The following PDE1C variants were observed in gnomAD, a reference collection of about 807,000 sequenced individuals.
PDE1C encodes the protein dual specificity calcium/calmodulin-dependent 3',5'-cyclic nucleotide phosphodiesterase 1C.
In PDE1C, 62 loss-of-function variants were observed where a neutral mutation model predicts 93.1. The ratio of observed to expected loss-of-function variants is 0.67; its 90% CI spans 0.54 to 0.82. PDE1C has a LOEUF of 0.82. Ranked by LOEUF, PDE1C falls within the 40% of genes least tolerant of loss-of-function variation. PDE1C has a pLI of 0.00. For missense variants in PDE1C, 742 were observed against 884.6 expected (o/e 0.84, Z 2.04); for synonymous variants, 325 against 310.1 (o/e 1.05, Z -0.50).
At chr7:31,972,981 C>A (rs7790003) in intron 2 of PDE1C, among the ~76,000 whole-genome samples, 89,158 of 151,934 alleles carry the variant, frequency 0.59, 26,265 homozygotes, top group Middle Eastern at 0.68. Context: ...CCCATCAGCA[C>A]TGGGCAGCCC....
chr7:32,294,516 A>G (rs1327293367), intron 1 of PDE1C, among the ~76,000 whole-genome samples: 4 of 152,146 alleles, frequency 2.6e-5, no homozygotes, highest in African/African-American at 9.7e-5. Context: ...TCATCTGTAA[A>G]ATGAACAGGG....
At chr7:32,040,728 G>A (rs115180780) in intron 2 of PDE1C, among the ~76,000 whole-genome samples, 1,920 of 152,100 alleles carry the variant, frequency 0.013, 53 homozygotes, top group African/African-American at 0.043. Flanking sequence ...ATGCCTTCCC[G>A]TAGAAAGATA....
At chr7:31,876,525 G>C (rs1220142021) in intron 5 of PDE1C, among the ~76,000 whole-genome samples, 1 of 152,138 alleles carries the variant, frequency 6.6e-6, no homozygotes, top group Non-Finnish European at 1.5e-5. Context: ...CTTGGTACCA[G>C]TATACCCTCT....
chr7:32,273,639 G>A (rs888071421), intron 1 of PDE1C, among the ~76,000 whole-genome samples: 16 of 152,206 alleles, frequency 1.1e-4, no homozygotes, highest in African/African-American at 3.6e-4. Context: ...CAGAAGAGGA[G>A]GTCCATGAGA....
At chr7:32,335,917 A>G (rs1783610879) in intron 1 of PDE1C, among the ~76,000 whole-genome samples, 1 of 152,068 alleles carries the variant, frequency 6.6e-6, no homozygotes, top group Admixed American at 6.6e-5. Context: ...TTTTGTAGAA[A>G]CAGGGTCTCA....
At chr7:31,947,696 T>G (rs1220480042) in intron 2 of PDE1C, among the ~76,000 whole-genome samples, 3 of 152,174 alleles carry the variant, frequency 2.0e-5, no homozygotes, top group Non-Finnish European at 4.4e-5. Flanking sequence ...CAAAGAAGCT[T>G]TTACAAAGTT....
At chr7:31,622,836 A>T in the PDE1C span, among the ~76,000 whole-genome samples, 1 of 152,164 alleles carries the variant, frequency 6.6e-6, no homozygotes, top group Non-Finnish European at 1.5e-5. Context: ...TTTTGAAATG[A>T]TCAACAAAAT....
At chr7:31,633,969 G>A in the PDE1C span, among the ~76,000 whole-genome samples, 1 of 152,066 alleles carries the variant, frequency 6.6e-6, no homozygotes, top group African/African-American at 2.4e-5. Context: ...TTTCCACCTA[G>A]AATTCAGAAG....
chr7:32,227,332 C>G (rs375452450), intron 1 of PDE1C, among the ~76,000 whole-genome samples: 1 of 152,164 alleles, frequency 6.6e-6, no homozygotes, highest in African/African-American at 2.4e-5. Flanking sequence ...ATACCACCCA[C>G]GACATGATGT....
At chr7:32,110,914 T>C (rs1488112192) in intron 3 of PDE1C, among the ~76,000 whole-genome samples, 1 of 152,152 alleles carries the variant, frequency 6.6e-6, no homozygotes, top group Non-Finnish European at 1.5e-5. Context: ...ACATCTCACA[T>C]TGAACATACT....
At chr7:31,654,656 G>T in the PDE1C span, among the ~76,000 whole-genome samples, 1 of 152,112 alleles carries the variant, frequency 6.6e-6, no homozygotes, top group Admixed American at 6.5e-5. Flanking sequence ...CAGTGGAAAT[G>T]CAGGGAATGG....
the PDE1C span, among the ~76,000 whole-genome samples, chr7:31,742,695 G>A: frequency 1.1e-4 from 17 of 152,146 alleles, no homozygotes; most frequent in Non-Finnish European, 1.8e-4. Flanking sequence ...TATAGTTGAG[G>A]GGGAGGACAG....
intron 1 of PDE1C, among the ~76,000 whole-genome samples, chr7:32,058,260 G>A (rs1181518777): frequency 2.0e-5 from 3 of 152,128 alleles, no homozygotes; most frequent in East Asian, 1.9e-4. Context: ...CACTACCACC[G>A]CCGACACACA....
rs1554513895 is a variant in PDE1C at position 32,147,329 on chromosome 7, A to AAAGAAAGG, written c.308+22455_308+22456insCCTTTCTT. ...GAAAGAAAGAAAGAAAGAAAGAAAG[A>AAAGAAAGG]AAGACGCTGTTTGTAGGTATGCTTT... On this transcript the variant is annotated intron_variant, in intron 3 of 18. Transcript: ENST00000396193. 1.6e-3 allele frequency among the ~76,000 whole-genome samples: 225 copies of AAAGAAAGG among 144,084 alleles called. 3 individuals carry two copies. Among genetic ancestry groups the AAAGAAAGG allele is most frequent in the Non-Finnish European group, 2.0e-3 (130 of 64,284 alleles). 94.5% of individuals were successfully genotyped at this position (144,084 alleles called of 152,430 possible). A position where few individuals can be genotyped will look rare whatever the true frequency, so the allele number is the denominator to read the frequency against.
At chr7:32,363,468 G>A (rs1284824602) in intron 1 of PDE1C, among the ~76,000 whole-genome samples, 1 of 152,196 alleles carries the variant, frequency 6.6e-6, no homozygotes, top group Non-Finnish European at 1.5e-5. Context: ...GGATACAAAG[G>A]TCCCAAACTG....
intron 17 of PDE1C, among the ~76,000 whole-genome samples, chr7:31,762,260 T>C (rs773512700): frequency 2.0e-5 from 3 of 152,242 alleles, no homozygotes; most frequent in Non-Finnish European, 4.4e-5. Flanking sequence ...TTAGATGTAG[T>C]GTCGTCTAAG....
intron 14 of PDE1C, among the ~76,000 whole-genome samples, chr7:31,821,351 C>T (rs2128734169): frequency 6.6e-6 from 1 of 152,290 alleles, no homozygotes. Flanking sequence ...TCTCCTGAAA[C>T]TGTCAAATGC....
At chr7:32,010,085 G>T (rs1479900417) in intron 2 of PDE1C, among the ~76,000 whole-genome samples, 1 of 152,194 alleles carries the variant, frequency 6.6e-6, no homozygotes, top group Non-Finnish European at 1.5e-5. Context: ...ATATTGTTAA[G>T]ATATTATCTC....
At chr7:32,042,928 T>C (rs1051086479) in intron 2 of PDE1C, among the ~76,000 whole-genome samples, 1 of 152,204 alleles carries the variant, frequency 6.6e-6, no homozygotes, top group African/African-American at 2.4e-5. Context: ...ATCTCATCTC[T>C]TTACAGACAA....
Sources: allele counts gnomAD v4.1 joint callset (sites outside exome capture counted in the v4.1 genomes callset), GRCh38; gene constraint gnomAD v4.1.1; transcripts MANE v1.5; gene names NCBI Gene and HGNC (gene_info 2026-07-23, HGNC 2026-07-21).